Variants in NMNAT3 observed in about 807,000 individuals in gnomAD.
The protein encoded by NMNAT3 is nicotinamide/nicotinic acid mononucleotide adenylyltransferase 3.
Under a neutral mutation model 24.8 loss-of-function variants are expected in NMNAT3, and 21 were observed. The ratio of observed to expected loss-of-function variants is 0.85; its 90% CI spans 0.60 to 1.22. The LOEUF (loss-of-function observed/expected upper bound fraction) is 1.22. Ranked by LOEUF, NMNAT3 falls within the 50% of genes most tolerant of loss-of-function variation. The probability of loss-of-function intolerance (pLI) is 0.00; values close to 1 mark genes in which losing one functional copy is unlikely to be tolerated. For synonymous variants in NMNAT3, 136 were observed against 155.2 expected (o/e 0.88, Z 0.92); for missense variants, 387 against 436.6 (o/e 0.89, Z 1.01).
chr3:139,661,905 C>T (rs1409171826), intron 1 of NMNAT3, among the ~76,000 whole-genome samples: 1 of 152,130 alleles, frequency 6.6e-6, no homozygotes, highest in East Asian at 1.9e-4. Flanking sequence ...CTGAAATTAA[C>T]AGTTAACAAA....
intron 1 of NMNAT3, among the ~76,000 whole-genome samples, chr3:139,674,029 G>A (rs1354387926): frequency 6.6e-6 from 1 of 152,062 alleles, no homozygotes; most frequent in Admixed American, 6.5e-5. Flanking sequence ...TTTAGGGGCA[G>A]CTCTGGCCAG....
chr3:139,631,101 A>T (rs571128496), intron 2 of NMNAT3, among the ~76,000 whole-genome samples: 1 of 152,266 alleles, frequency 6.6e-6, no homozygotes, highest in East Asian at 1.9e-4. Context: ...AGAATAAATG[A>T]CCTTTAATAA....
intron 1 of NMNAT3, among the ~76,000 whole-genome samples, chr3:139,668,850 A>G (rs151267419): frequency 0.012 from 1,770 of 152,286 alleles, 19 homozygotes; most frequent in Non-Finnish European, 0.016. Flanking sequence ...AACACCAGGT[A>G]TTTGTCATCT....
intron 3 of NMNAT3, among the ~76,000 whole-genome samples, chr3:139,621,497 G>A (rs1337526706): frequency 3.3e-5 from 5 of 152,072 alleles, no homozygotes; most frequent in African/African-American, 7.2e-5. Flanking sequence ...TCTGCCTCCC[G>A]AGTAGCTGTG....
rs142266795 is a variant in NMNAT3, at chr3:139,622,941, G to A, written c.109+4675C>T. ...GAAGTTGCTCTGGGTGAATCAAGGC[G>A]TGAGTAAATGTGAAGGACTACAGTA... On this transcript the variant is annotated intron_variant, in intron 3 of 6. Transcript: ENST00000643695. Among the ~76,000 whole-genome samples the A allele has an allele frequency of 2.3e-3, 336 of 147,948 alleles. 6 individuals are homozygous for A. The highest frequency in any genetic ancestry group is 5.7e-3 in the East Asian group (29 of 5,088).
At chr3:139,620,720 CT>C (rs932857099) in intron 3 of NMNAT3, among the ~76,000 whole-genome samples, 55 of 147,816 alleles carry the variant, frequency 3.7e-4, no homozygotes, top group Middle Eastern at 3.6e-3. Flanking sequence ...ACACATTTAA[CT>C]TTTTTTTTTT....
At chr3:139,637,787 G>C (rs1281600521) in intron 2 of NMNAT3, 176 bp downstream of exon 2, 3 of 152,148 alleles carry the variant, frequency 2.0e-5, no homozygotes, top group African/African-American at 7.2e-5. Flanking sequence ...CTGGAAGTCA[G>C]AGCTCCCTCC....
chr3:139,642,671 G>A (rs569304897), intron 1 of NMNAT3, among the ~76,000 whole-genome samples: 11 of 152,108 alleles, frequency 7.2e-5, no homozygotes, highest in African/African-American at 9.7e-5. Flanking sequence ...GGGCACCATG[G>A]GGACATTGAT....
At chr3:139,614,642 C>T (rs149100819) in intron 3 of NMNAT3, among the ~76,000 whole-genome samples, 1 of 152,364 alleles carries the variant, frequency 6.6e-6, no homozygotes, top group African/African-American at 2.4e-5. Flanking sequence ...CTGGCAGAAC[C>T]AGCACAGAAG....
At chr3:139,631,712 A>C (rs1342470843) in intron 2 of NMNAT3, among the ~76,000 whole-genome samples, 1 of 152,032 alleles carries the variant, frequency 6.6e-6, no homozygotes, top group Non-Finnish European at 1.5e-5. Flanking sequence ...CCACTCCTCA[A>C]GCACAACATG....
intron 6 of NMNAT3, 53 bp downstream of exon 6, chr3:139,573,545 T>C: frequency 1.8e-6 from 2 of 1,142,146 alleles, no homozygotes; most frequent in Non-Finnish European, 2.5e-6. Context: ...CCTTCAGTTC[T>C]CACAGAATCC....
chr3:139,630,693 A>T (rs1353667757), intron 2 of NMNAT3, among the ~76,000 whole-genome samples: 1 of 152,186 alleles, frequency 6.6e-6, no homozygotes, highest in African/African-American at 2.4e-5. Flanking sequence ...CTCTCAGCCT[A>T]GGCGGGCCGT....
At chr3:139,613,730 C>T (rs2055341453) in intron 3 of NMNAT3, among the ~76,000 whole-genome samples, 1 of 152,050 alleles carries the variant, frequency 6.6e-6, no homozygotes, top group Non-Finnish European at 1.5e-5. Context: ...GACTTGGAAC[C>T]AACCCAAATG....
At chr3:139,650,920 GA>G (rs1313008017) in intron 1 of NMNAT3, among the ~76,000 whole-genome samples, 2 of 152,108 alleles carry the variant, frequency 1.3e-5, no homozygotes. Context: ...TTACAAAAAG[GA>G]ATATCTGATT....
chr3:139,675,590 T>A (rs901018793), intron 1 of NMNAT3, among the ~76,000 whole-genome samples: 4 of 152,156 alleles, frequency 2.6e-5, no homozygotes, highest in Non-Finnish European at 1.5e-5. Context: ...GCTCTTGCTT[T>A]ATGGCAAAAC....
Position 139,633,474 on chromosome 3 carries a change from C to T in NMNAT3, c.-41+4489G>A, listed in dbSNP as rs1359851591. The stretch of plus-strand genomic sequence containing the variant: ...GGATTACAGGCGTGAGCCACTGTGC[C>T]CAGCCAAATTTGTGTTGTTTTAAGC... On this transcript the variant is annotated intron_variant, in intron 2 of 6. Transcript: ENST00000643695. Among the ~76,000 whole-genome samples, 3 of 152,292 alleles carry T rather than the reference C, an allele frequency of 2.0e-5. No individual in the cohort carries two copies. In the East Asian group the frequency reaches 5.8e-4, roughly 29 times the overall value.
chr3:139,667,932 C>G (rs1050220107), intron 1 of NMNAT3, among the ~76,000 whole-genome samples: 4 of 152,124 alleles, frequency 2.6e-5, no homozygotes, highest in Admixed American at 2.6e-4. Flanking sequence ...CATGAGAAAG[C>G]ATTCAACAGG....
intron 1 of NMNAT3, among the ~76,000 whole-genome samples, chr3:139,651,276 C>T (rs1444042831): frequency 6.6e-6 from 1 of 152,054 alleles, no homozygotes; most frequent in African/African-American, 2.4e-5. Context: ...TAATGGCTTC[C>T]ATTATATGAT....
chr3:139,561,033 T>A lies in NMNAT3; in HGVS notation c.1018A>T (p.Ser340Cys), dbSNP rs770458808. Residue 340 changes from serine (S) to cysteine (C), a missense_variant, in exon 7 of 7, where the codon AGC (serine) becomes TGC (cysteine). Transcript: ENST00000643695. ...CCCTAGCTTGTCTTGCCCTCAGTGC[T>A]CTGGGTGCTTTTGCCTTTCCAGGTA... 3.7e-6 allele frequency: 6 copies of A among 1,613,424 alleles called. No individual in the cohort carries two copies. In the Middle Eastern group the frequency reaches 1.1e-3, roughly 286 times the overall value.
Sources: gnomAD v4.1 joint callset for allele counts (sites outside exome capture counted in the v4.1 genomes callset) on GRCh38, gnomAD v4.1.1 for gene constraint, MANE v1.5 for transcripts, NCBI Gene and HGNC (gene_info 2026-07-23, HGNC 2026-07-21) for gene names.